The following DCC variants were observed in gnomAD, a reference collection of about 807,000 sequenced individuals.
The protein encoded by DCC is netrin receptor DCC.
Under a neutral mutation model 172.5 loss-of-function variants are expected in DCC, and 58 were observed. That is an observed-to-expected ratio of 0.34 (90% CI 0.27 to 0.42). The LOEUF is 0.42. DCC is among the 10% of genes least tolerant of loss of function. The pLI is 1.00. For missense variants in DCC, 1,740 were observed against 1,791.0 expected, an observed-to-expected ratio of 0.97 and a Z score of 0.51; for synonymous variants, 709 against 644.5, an observed-to-expected ratio of 1.10 and a Z score of -1.52.
chr18:53,032,143 A>G (rs1460018721), intron 5 of DCC, among the ~76,000 whole-genome samples: 1 of 152,124 alleles, frequency 6.6e-6, no homozygotes, highest in Non-Finnish European at 1.5e-5. Context: ...ATCTTTTTGA[A>G]TCAGTTTATT....
intron 21 of DCC, among the ~76,000 whole-genome samples, chr18:53,427,833 TATATA>T (rs944556976): frequency 1.0e-5 from 1 of 100,462 alleles, no homozygotes; most frequent in African/African-American, 3.1e-5. Context: ...TAATATATGA[TATATA>T]ATATATATAT....
chr18:53,102,341 T>C (rs1026542462), intron 7 of DCC, among the ~76,000 whole-genome samples: 1 of 152,170 alleles, frequency 6.6e-6, no homozygotes, highest in Non-Finnish European at 1.5e-5. Flanking sequence ...TTTTTAGGGA[T>C]ACATTCATTT....
intron 1 of DCC, among the ~76,000 whole-genome samples, chr18:52,697,698 A>T (rs1005528770): frequency 1.3e-5 from 2 of 152,226 alleles, no homozygotes. Context: ...ATGTATAGAC[A>T]TAGATATAAG....
intron 8 of DCC, among the ~76,000 whole-genome samples, chr18:53,163,415 G>A (rs1346279103): frequency 6.6e-6 from 1 of 152,122 alleles, no homozygotes; most frequent in African/African-American, 2.4e-5. Context: ...TTCAACTAGA[G>A]CCATAAAATA....
chr18:52,959,768 T>G (rs966788794), intron 5 of DCC, among the ~76,000 whole-genome samples: 1 of 152,134 alleles, frequency 6.6e-6, no homozygotes, highest in Admixed American at 6.5e-5. Context: ...AAGATATATC[T>G]GCTGTTTTTG....
At chr18:53,083,798 G>A (rs1284793486) in intron 7 of DCC, among the ~76,000 whole-genome samples, 1 of 152,020 alleles carries the variant, frequency 6.6e-6, no homozygotes, top group African/African-American at 2.4e-5. Flanking sequence ...AAAGTTTTGG[G>A]GATAAAATGA....
At chr18:52,893,983 C>T (rs2039691049) in intron 2 of DCC, among the ~76,000 whole-genome samples, 1 of 152,140 alleles carries the variant, frequency 6.6e-6, no homozygotes, top group African/African-American at 2.4e-5. Context: ...CCATTATTTA[C>T]TGACTTACTT....
At chr18:52,738,580 A>G (rs1314607694) in intron 1 of DCC, among the ~76,000 whole-genome samples, 1 of 152,152 alleles carries the variant, frequency 6.6e-6, no homozygotes, top group Non-Finnish European at 1.5e-5. Flanking sequence ...ATCGAATACA[A>G]AGACTTAGGA....
intron 1 of DCC, among the ~76,000 whole-genome samples, chr18:52,738,075 G>A (rs9948701): frequency 0.98 from 149,833 of 152,242 alleles, 73,776 homozygotes; most frequent in East Asian, 1. Flanking sequence ...ACCATCCTCG[G>A]TTTTGCCTCT....
At chr18:53,033,106 A>T (rs184807070) in intron 5 of DCC, among the ~76,000 whole-genome samples, 1 of 152,264 alleles carries the variant, frequency 6.6e-6, no homozygotes, top group East Asian at 1.9e-4. Context: ...TAAAGTCAAA[A>T]GGGAATACAA....
At chr18:53,443,878 T>A (rs1007877933) in intron 22 of DCC, among the ~76,000 whole-genome samples, 16 of 152,160 alleles carry the variant, frequency 1.1e-4, no homozygotes, top group African/African-American at 3.6e-4. Context: ...GTAACTGCGA[T>A]CGAAATAGCA....
rs1370918896 is a variant in DCC at position 53,210,033 on chromosome 18, A to G, written c.1861+2216A>G. Among the ~76,000 whole-genome samples, 4 of 152,150 alleles carry G rather than the reference A, an allele frequency of 2.6e-5. No homozygotes were observed. In the South Asian group the frequency reaches 6.2e-4, roughly 24 times the overall value. On this transcript the variant is annotated intron_variant, in intron 11 of 28. Coordinates refer to ENST00000442544, the MANE Select transcript of DCC (RefSeq NM_005215.4). ...AAAGGACACCAAATTCTCTCTCTCAAATGCACTGAAAGGAGATAGCAAGGA... is the reference window on the plus strand; with the variant it reads ...AAAGGACACCAAATTCTCTCTCTCAGATGCACTGAAAGGAGATAGCAAGGA...
At chr18:52,601,246 A>G (rs1181243209) in intron 1 of DCC, among the ~76,000 whole-genome samples, 2 of 152,066 alleles carry the variant, frequency 1.3e-5, no homozygotes, top group Non-Finnish European at 2.9e-5. Context: ...GCCTACCTAC[A>G]ATCTATTATA....
intron 14 of DCC, among the ~76,000 whole-genome samples, chr18:53,330,560 A>AT (rs1568060861): frequency 2.0e-5 from 3 of 151,936 alleles, no homozygotes; most frequent in African/African-American, 2.4e-5. Flanking sequence ...TGTCAGAGTG[A>AT]TTTTTTCAGA....
intron 1 of DCC, among the ~76,000 whole-genome samples, chr18:52,728,658 A>G (rs931146330): frequency 1.3e-5 from 2 of 152,220 alleles, no homozygotes; most frequent in Admixed American, 6.5e-5. Flanking sequence ...GTAGAGAATT[A>G]CAATGTGCCT....
At chr18:53,049,403 G>A (rs2042303658) in intron 5 of DCC, among the ~76,000 whole-genome samples, 1 of 152,076 alleles carries the variant, frequency 6.6e-6, no homozygotes, top group Non-Finnish European at 1.5e-5. Context: ...TTCTGCATAT[G>A]GCTAGGCAGT....
intron 5 of DCC, among the ~76,000 whole-genome samples, chr18:53,058,066 G>A (rs1479996348): frequency 6.6e-6 from 1 of 152,084 alleles, no homozygotes; most frequent in African/African-American, 2.4e-5. Context: ...TCTGAGGAAT[G>A]CAATTCCAGA....
intron 15 of DCC, among the ~76,000 whole-genome samples, chr18:53,351,314 T>TATATATAC (rs1330722397): frequency 2.7e-4 from 5 of 18,240 alleles, no homozygotes; most frequent in East Asian, 1.9e-3. Context: ...TATATATATA[T>TATATATAC]ACACTGTATA....
intron 2 of DCC, among the ~76,000 whole-genome samples, chr18:52,756,467 C>A (rs1386582583): frequency 2.0e-5 from 3 of 152,186 alleles, no homozygotes; most frequent in Non-Finnish European, 4.4e-5. Flanking sequence ...TTCAGCAGAT[C>A]AAACTCACCC....
Sources: allele counts gnomAD v4.1 joint callset (sites outside exome capture counted in the v4.1 genomes callset), GRCh38; gene constraint gnomAD v4.1.1; transcripts MANE v1.5; gene names NCBI Gene and HGNC (gene_info 2026-07-23, HGNC 2026-07-21).